NPC1: variants seen among roughly 807,000 people sequenced by gnomAD.
NPC1 encodes the protein Niemann-Pick C1 protein.
Under a neutral mutation model 140.4 loss-of-function variants are expected in NPC1, and 85 were observed. The observed-to-expected ratio is 0.61, with a 90% CI of 0.51 to 0.72. NPC1 has a LOEUF of 0.72. Among genes scored for constraint, NPC1 ranks in the 30% least tolerant of loss-of-function variants. NPC1 has a pLI of 0.00. For synonymous variants in NPC1, 656 were observed against 624.8 expected, an observed-to-expected ratio of 1.05 and a Z score of -0.74; for missense variants, 1,504 against 1,623.8, an observed-to-expected ratio of 0.93 and a Z score of 1.27.
At position 23,584,595 on chromosome 18, in the gene NPC1, C is replaced by T. The variant is rs542278004; in HGVS notation, c.57+1692G>A. ...CTTAATAATGTGAAGCCTGGCTGGG[C>T]GAGGTGGCTCACACCTGTAATCCCC... On this transcript the variant is annotated intron_variant, in intron 1 of 24. Coordinates refer to ENST00000269228, the MANE Select transcript of NPC1 (RefSeq NM_000271.5). Among the ~76,000 whole-genome samples the T allele has an allele frequency of 2.0e-5, 3 of 152,262 alleles. No homozygotes were observed. In the South Asian group the frequency reaches 6.2e-4, roughly 32 times the overall value.
In NPC1 at chr18:23,535,651, T is replaced by G. The variant is rs753064951; in HGVS notation, c.3295A>C (p.Ile1099Leu). 5 of 1,614,130 alleles carry G rather than the reference T, an allele frequency of 3.1e-6. No homozygotes were observed. The highest frequency in any genetic ancestry group is 4.2e-6 in the Non-Finnish European group (5 of 1,180,026). Residue 1099 changes from isoleucine to leucine, a missense_variant, in exon 22 of 25, where the codon ATC becomes CTC. Coordinates refer to ENST00000269228, the MANE Select transcript of NPC1 (RefSeq NM_000271.5). The part of the protein sequence containing the change: ...EQYLTIIDDT[I>L]FNLGVSLGAI... Reference sequence around the variant, plus strand: ...CCCAGGGACACACCGAGGTTGAAGATAGTGTCGTCAATGATGGTCAGGTAC... The same window carrying G: ...CCCAGGGACACACCGAGGTTGAAGAGAGTGTCGTCAATGATGGTCAGGTAC...
chr18:23,561,931 C>A (rs2059046444), intron 4 of NPC1, among the ~76,000 whole-genome samples: 6 of 152,196 alleles, frequency 3.9e-5, no homozygotes, highest in African/African-American at 1.4e-4. Context: ...GGAAGCTACA[C>A]AGCCAGAGAA....
Position 23,550,479 on chromosome 18 carries a change from C to CTTCTTTTTTTTTTTTTTTT in NPC1, c.1654+1147_1654+1148insAAAAAAAAAAAAAAAAGAA. ...GAATTTTCTTCCAGTTCTTACATTT[C>CTTCTTTTTTTTTTTTTTTT]TTTTTTTTTTTTTTTTTTTTGAGAT... On this transcript the variant is annotated intron_variant, in intron 10 of 24. Transcript: ENST00000269228. 8.9e-4 allele frequency among the ~76,000 whole-genome samples: 67 copies of CTTCTTTTTTTTTTTTTTTT among 74,950 alleles called. 3 individuals are homozygous for CTTCTTTTTTTTTTTTTTTT. The highest frequency in any genetic ancestry group is 4.2e-3 in the African/African-American group (65 of 15,430). The allele number at this position is 74,950 out of a possible 152,430, so 49.2% of individuals were successfully genotyped here.
chr18:23,536,970 TG>T, intron 20 of NPC1, 94 bp from the exon 21 acceptor site: 2 of 977,672 alleles, frequency 2.0e-6, no homozygotes, highest in Non-Finnish European at 3.2e-6. Context: ...CACCTGACCC[TG>T]GACTCAGAGG....
chr18:23,517,877 C>A (rs2058050681), downstream of NPC1, among the ~76,000 whole-genome samples: 3 of 152,156 alleles, frequency 2.0e-5, no homozygotes, highest in South Asian at 6.2e-4. Flanking sequence ...GCCACCACAT[C>A]TGGATAATTT....
chr18:23,538,556 G>C lies in NPC1; in HGVS notation c.3027C>G (p.Pro1009=), dbSNP rs759291033. The C allele has an allele frequency of 3.1e-6, 5 of 1,614,112 alleles. No individual in the cohort carries two copies. In the South Asian group the frequency reaches 5.5e-5, roughly 18 times the overall value. Residue 1009 remains proline (P), a synonymous_variant, in exon 20 of 25, where the codon CCC becomes CCG. Transcript: ENST00000269228. Reference sequence around the variant, plus strand: ...GCAGCACTTACCCTTTGCCACACTTGGGGTTAGGGTTATCCGAAAGGAACA... The same window carrying C: ...GCAGCACTTACCCTTTGCCACACTTCGGGTTAGGGTTATCCGAAAGGAACA... ...LPMFLSDNPN[P]KCGKGGHAAY... is the part of the protein sequence containing the mutation.
intron 20 of NPC1, among the ~76,000 whole-genome samples, chr18:23,537,113 G>A (rs1319936720): frequency 6.6e-6 from 1 of 152,022 alleles, no homozygotes; most frequent in African/African-American, 2.4e-5. Flanking sequence ...CTGTAGCCCA[G>A]GCTGGAGTGC....
chr18:23,528,919 GC>G, downstream of NPC1: 1 of 325,020 alleles, frequency 3.1e-6, no homozygotes, highest in East Asian at 6.7e-5. Context: ...TGTTCTTATT[GC>G]CCAGGCTGGA....
intron 3 of NPC1, among the ~76,000 whole-genome samples, chr18:23,515,260 C>G (rs1262470361): frequency 6.6e-6 from 1 of 152,198 alleles, no homozygotes; most frequent in Non-Finnish European, 1.5e-5. Flanking sequence ...AAACAGCCTA[C>G]CCAGGCTATA....
Position 23,561,542 on chromosome 18 carries a change from C to G in NPC1, c.464-15G>C, listed in dbSNP as rs2059039344. The G allele has an allele frequency of 6.2e-7, 1 of 1,613,298 alleles. No homozygotes were observed. Among genetic ancestry groups the G allele is most frequent in the Non-Finnish European group, 8.5e-7 (1 of 1,179,834 alleles). On this transcript the variant is annotated splice_polypyrimidine_tract_variant and intron_variant, in intron 4 of 24. Transcript: ENST00000269228. ...ATTGTACATTGCTAGAAGAGGAAAC[C>G]CAAAGGAAAAAGGAGACAAGATGCT...
chr18:23,532,078 G>A lies in NPC1; in HGVS notation c.*124C>T, dbSNP rs2058529080. On this transcript the variant is annotated 3_prime_UTR_variant, in exon 25 of 25. Coordinates refer to ENST00000269228, the MANE Select transcript of NPC1 (RefSeq NM_000271.5). ...GTTCACAGGCGCTACGTTCAAAGCT[G>A]CTGCCAAACAACCGATGGTTGGCAC... is the stretch of plus-strand genomic sequence containing the variant. The A allele has an allele frequency of 1.2e-6, 2 of 1,610,010 alleles. No homozygotes were observed. Among genetic ancestry groups the A allele is most frequent in the Non-Finnish European group, 1.7e-6 (2 of 1,178,592 alleles).
intron 3 of NPC1, among the ~76,000 whole-genome samples, chr18:23,515,653 C>T (rs2057982385): frequency 6.6e-6 from 1 of 152,196 alleles, no homozygotes. Flanking sequence ...GTGCCTCAGC[C>T]TTCTGAGTAG....
intron 22 of NPC1, among the ~76,000 whole-genome samples, chr18:23,535,039 G>A (rs769735264): frequency 4.6e-4 from 70 of 152,244 alleles, no homozygotes; most frequent in Admixed American, 3.9e-4. Flanking sequence ...GGGGCGGGGT[G>A]CAATTTTCTA....
intron 11 of NPC1, among the ~76,000 whole-genome samples, chr18:23,547,287 T>C (rs1412611822): frequency 1.3e-5 from 2 of 152,250 alleles, no homozygotes; most frequent in South Asian, 4.1e-4. Context: ...ATTTGCTTGA[T>C]ATTTTTTTCT....
At chr18:23,543,362 G>T in intron 14 of NPC1, 93 bp downstream of exon 14, 9 of 702,462 alleles carry the variant, frequency 1.3e-5, no homozygotes, top group Admixed American at 2.4e-5. Context: ...AAAAAAAAAG[G>T]AAGCAACACA....
At position 23,536,763 on chromosome 18, in the gene NPC1, A is replaced by G. The variant is rs1238268739; in HGVS notation, c.3155T>C (p.Ile1052Thr). The change falls in exon 21 of 25, where the codon ATT (isoleucine) becomes ACT (threonine). Residue 1052 changes from isoleucine to threonine, a missense_variant. By Grantham distance (89) the Ile-to-Thr change is moderately conservative (BLOSUM62 -1). Transcript: ENST00000269228. ...AAGTCGGGCTTTCTTCAGAGCGTCAATAAAGTCAGCAGAGGTCTGCAGCAC... is the reference window on the plus strand; with the variant it reads ...AAGTCGGGCTTTCTTCAGAGCGTCAGTAAAGTCAGCAGAGGTCTGCAGCAC... ...HTVLQTSADF[I>T]DALKKARLIA... 1.4e-5 allele frequency: 23 copies of G among 1,614,088 alleles called. No individual in the cohort carries two copies. Among genetic ancestry groups the G allele is most frequent in the African/African-American group, 5.3e-5 (4 of 74,918 alleles).
chr18:23,542,276 C>T (rs1414890284), intron 14 of NPC1, among the ~76,000 whole-genome samples: 1 of 146,476 alleles, frequency 6.8e-6, no homozygotes, highest in East Asian at 2.0e-4. Flanking sequence ...TTTTTTTCTG[C>T]ACCTGTGTTT....
At chr18:23,512,394 A>C (rs2057885937) in intron 3 of NPC1, among the ~76,000 whole-genome samples, 1 of 152,006 alleles carries the variant, frequency 6.6e-6, no homozygotes, top group Non-Finnish European at 1.5e-5. Context: ...GTCCATTTGT[A>C]TTTTGTTAAC....
chr18:23,542,360 G>A (rs954120433), intron 14 of NPC1, among the ~76,000 whole-genome samples: 1 of 151,714 alleles, frequency 6.6e-6, no homozygotes, highest in African/African-American at 2.4e-5. Flanking sequence ...CAAGCTAGCA[G>A]TGTATCTGTG....
Sources: allele counts gnomAD v4.1 joint callset (sites outside exome capture counted in the v4.1 genomes callset), GRCh38; gene constraint gnomAD v4.1.1; transcripts MANE v1.5; gene names NCBI Gene and HGNC (gene_info 2026-07-23, HGNC 2026-07-21).